STAG1: variants seen among roughly 807,000 people sequenced by gnomAD.
The protein encoded by STAG1 is STAG1 cohesin complex component.
A neutral mutation model predicts 170.9 loss-of-function variants in STAG1; 26 were observed. The observed-to-expected ratio is 0.15, with a 90% confidence interval of 0.11 to 0.21. The LOEUF is 0.21. Ranked by LOEUF, STAG1 falls within the 10% of genes least tolerant of loss-of-function variation. The pLI, the probability that STAG1 is intolerant of heterozygous loss-of-function variation, is 1.00. For missense variants in STAG1, 964 were observed against 1,509.5 expected, an observed-to-expected ratio of 0.64 and a Z score of 5.99; for synonymous variants, 514 against 497.7, an observed-to-expected ratio of 1.03 and a Z score of -0.44.
chr3:136,526,183 G>C (rs969828344), intron 6 of STAG1, among the ~76,000 whole-genome samples: 3 of 152,146 alleles, frequency 2.0e-5, no homozygotes, highest in Non-Finnish European at 4.4e-5. Context: ...TCTGTCTAAT[G>C]TTGACAGTGG....
At chr3:136,649,503 C>CAAAAAAAAAAA (rs761067087) in intron 1 of STAG1, among the ~76,000 whole-genome samples, 9 of 70,858 alleles carry the variant, frequency 1.3e-4, no homozygotes, top group East Asian at 5.4e-4. Flanking sequence ...AAAACAGAAA[C>CAAAAAAAAAAA]AAAAAAAAAA....
chr3:136,515,710 GA>G (rs1257427753), intron 7 of STAG1, among the ~76,000 whole-genome samples: 2 of 151,906 alleles, frequency 1.3e-5, no homozygotes, highest in South Asian at 4.2e-4. Context: ...ATAATACTAA[GA>G]AAAAAGTTAG....
chr3:136,465,884 T>A (rs2089441290), intron 12 of STAG1, among the ~76,000 whole-genome samples: 1 of 152,070 alleles, frequency 6.6e-6, no homozygotes, highest in African/African-American at 2.4e-5. Context: ...ATGGTATTTT[T>A]AAAAAGAAAT....
chr3:136,627,474 A>G (rs1411721412), intron 2 of STAG1, among the ~76,000 whole-genome samples: 1 of 152,184 alleles, frequency 6.6e-6, no homozygotes, highest in East Asian at 1.9e-4. Flanking sequence ...AATCTTCCAT[A>G]TAAATATTTT....
chr3:136,538,729 TTAC>T (rs1229897484), intron 6 of STAG1, among the ~76,000 whole-genome samples: 7 of 151,926 alleles, frequency 4.6e-5, no homozygotes, highest in Non-Finnish European at 8.8e-5. Context: ...CACCACATAG[TTAC>T]TTCTTAAGCA....
At chr3:136,636,053 G>T (rs1940540602) in intron 1 of STAG1, among the ~76,000 whole-genome samples, 1 of 152,032 alleles carries the variant, frequency 6.6e-6, no homozygotes, top group South Asian at 2.1e-4. Context: ...TTCAAGACCA[G>T]ACTGGCCAAC....
intron 3 of STAG1, 36 bp downstream of exon 3, chr3:136,623,110 T>C (rs1161539977): frequency 6.4e-6 from 10 of 1,556,188 alleles, no homozygotes; most frequent in Non-Finnish European, 8.8e-6. Context: ...ACACGGTCAC[T>C]ATTAAAGGAA....
At chr3:136,619,871 G>C (rs1437267440) in intron 3 of STAG1, among the ~76,000 whole-genome samples, 1 of 150,952 alleles carries the variant, frequency 6.6e-6, no homozygotes, top group Non-Finnish European at 1.5e-5. Context: ...TTTAAGACCA[G>C]CCTGGACAAC....
intron 5 of STAG1, among the ~76,000 whole-genome samples, chr3:136,553,052 C>A (rs2107740934): frequency 6.6e-6 from 1 of 152,004 alleles, no homozygotes; most frequent in South Asian, 2.1e-4. Flanking sequence ...CTAGAATTAT[C>A]AGATAGAGAT....
chr3:136,440,728 G>A (rs376403783), intron 15 of STAG1, among the ~76,000 whole-genome samples: 16 of 151,940 alleles, frequency 1.1e-4, no homozygotes, highest in African/African-American at 2.9e-4. Flanking sequence ...GGTGGCTCAC[G>A]CCTGTAATCT....
intron 4 of STAG1, among the ~76,000 whole-genome samples, chr3:136,592,306 G>A (rs1014656912): frequency 1.3e-5 from 2 of 152,070 alleles, no homozygotes; most frequent in East Asian, 1.9e-4. Flanking sequence ...CCCCTATAAT[G>A]TTCTCATGAC....
chr3:136,633,931 C>G (rs2107840844), intron 1 of STAG1, among the ~76,000 whole-genome samples: 1 of 125,422 alleles, frequency 8.0e-6, no homozygotes, highest in South Asian at 2.6e-4. Flanking sequence ...TAAGACCAGA[C>G]TGGCCAACAT....
At chr3:136,556,051 A>G (rs967181340) in intron 5 of STAG1, among the ~76,000 whole-genome samples, 1 of 152,242 alleles carries the variant, frequency 6.6e-6, no homozygotes, top group Non-Finnish European at 1.5e-5. Context: ...CTAGGAATGC[A>G]TATTAAATTT....
intron 1 of STAG1, among the ~76,000 whole-genome samples, chr3:136,672,528 C>T (rs574655613): frequency 1.3e-5 from 2 of 152,136 alleles, no homozygotes; most frequent in African/African-American, 4.8e-5. Flanking sequence ...CAAAGCTTGG[C>T]TATTTTTTAT....
intron 6 of STAG1, among the ~76,000 whole-genome samples, chr3:136,523,253 T>C (rs947488786): frequency 1.6e-4 from 25 of 152,186 alleles, no homozygotes; most frequent in Non-Finnish European, 3.1e-4. Flanking sequence ...TTTTTAATGA[T>C]TGCCATTCTA....
intron 7 of STAG1, among the ~76,000 whole-genome samples, chr3:136,514,732 A>G (rs946424503): frequency 1.3e-5 from 2 of 152,242 alleles, no homozygotes; most frequent in Non-Finnish European, 2.9e-5. Context: ...CTATGCAGCC[A>G]TAAAAAAGGA....
chr3:136,407,288 G>C (rs1171371045), intron 21 of STAG1, among the ~76,000 whole-genome samples: 3 of 152,162 alleles, frequency 2.0e-5, no homozygotes, highest in Non-Finnish European at 2.9e-5. Context: ...GCCTCCCAAA[G>C]TGCTGGGATT....
At chr3:136,465,315 G>A (rs1402084074) in intron 12 of STAG1, among the ~76,000 whole-genome samples, 1 of 150,570 alleles carries the variant, frequency 6.6e-6, no homozygotes, top group Non-Finnish European at 1.5e-5. Flanking sequence ...TGCCTCCCGG[G>A]TTCAACTGAT....
intron 1 of STAG1, among the ~76,000 whole-genome samples, chr3:136,700,832 A>C (rs1354452617): frequency 6.6e-6 from 1 of 151,780 alleles, no homozygotes; most frequent in African/African-American, 2.4e-5. Context: ...GTCTCTCAAG[A>C]ACAACTTAAA....
Sources: gnomAD v4.1 joint callset for allele counts (sites outside exome capture counted in the v4.1 genomes callset) on GRCh38, gnomAD v4.1.1 for gene constraint, MANE v1.5 for transcripts, NCBI Gene and HGNC (gene_info 2026-07-23, HGNC 2026-07-21) for gene names.